Variants in RFX6 observed in about 807,000 individuals in gnomAD.
RFX6 encodes the protein regulatory factor X6, also known as DNA-binding protein RFX6.
Under a neutral mutation model 110.8 loss-of-function variants are expected in RFX6, and 50 were observed. The observed-to-expected ratio is 0.45, with a 90% confidence interval of 0.36 to 0.57. The LOEUF is 0.57. RFX6 is among the 20% of genes least tolerant of loss of function. RFX6 has a pLI of 0.00. For synonymous variants in RFX6, 383 were observed against 411.2 expected (o/e 0.93, Z 0.83); for missense variants, 990 against 1,127.0 (o/e 0.88, Z 1.74).
At chr6:116,923,608 C>T (rs1345692744) in intron 14 of RFX6, 2 of 211,894 alleles carry the variant, frequency 9.4e-6, no homozygotes, top group South Asian at 8.0e-5. Flanking sequence ...CTTTGTTAAA[C>T]AAATGATAAT....
chr6:116,878,431 G>GA (rs1042644282), intron 2 of RFX6, among the ~76,000 whole-genome samples: 3 of 152,154 alleles, frequency 2.0e-5, no homozygotes, highest in South Asian at 2.1e-4. Context: ...AGAAGACATA[G>GA]AAAAAATCGG....
At position 116,919,135 on chromosome 6, in the gene RFX6, A is replaced by C. The variant is rs537177486; in HGVS notation, c.1023-2A>C. 6.2e-7 allele frequency: 1 copy of C among 1,612,676 alleles called. No individual in the cohort carries two copies. Among genetic ancestry groups the C allele is most frequent in the Admixed American group, 1.7e-5 (1 of 59,970 alleles). On this transcript the variant is annotated splice_acceptor_variant, in intron 10 of 18. Coordinates refer to ENST00000332958, the MANE Select transcript of RFX6 (RefSeq NM_173560.4). LOFTEE classifies it high-confidence loss of function. The stretch of plus-strand genomic sequence containing the variant: ...GCATTTAACACATAGCCTTCTTTGT[A>C]GCTTATTAGCAGACATAAGAAATTT...
chr6:116,921,334 A>C (rs1192579726), intron 12 of RFX6, among the ~76,000 whole-genome samples: 1 of 152,214 alleles, frequency 6.6e-6, no homozygotes, highest in African/African-American at 2.4e-5. Context: ...TTCTGCTGAG[A>C]AGAAATTAAC....
At chr6:116,917,353 T>C (rs1280604465) in intron 9 of RFX6, among the ~76,000 whole-genome samples, 4 of 144,684 alleles carry the variant, frequency 2.8e-5, no homozygotes, top group South Asian at 2.2e-4. Context: ...TTTTTTTTTT[T>C]CTGGATTGAA....
intron 10 of RFX6, among the ~76,000 whole-genome samples, 155 bp from the exon 11 acceptor site, chr6:116,918,982 T>C (rs1039081668): frequency 2.6e-5 from 4 of 152,076 alleles, no homozygotes; most frequent in African/African-American, 9.7e-5. Flanking sequence ...TTTAAAAATA[T>C]AGCATAAGAA....
chr6:116,913,113 T>G (rs1255836583), intron 7 of RFX6, among the ~76,000 whole-genome samples: 1 of 152,166 alleles, frequency 6.6e-6, no homozygotes, highest in Non-Finnish European at 1.5e-5. Context: ...TTGCCCAGGC[T>G]GGAGTGCAGT....
chr6:116,923,004 T>A, intron 13 of RFX6, 103 bp from the exon 14 acceptor site: 1 of 765,492 alleles, frequency 1.3e-6, no homozygotes, highest in Non-Finnish European at 2.4e-6. Context: ...CCATGCCATC[T>A]GTCCATTTGT....
chr6:116,903,398 G>A (rs1468262632), intron 6 of RFX6, among the ~76,000 whole-genome samples: 1 of 151,736 alleles, frequency 6.6e-6, no homozygotes, highest in Non-Finnish European at 1.5e-5. Flanking sequence ...TGTTTCTTTA[G>A]CATGCTAACA....
intron 12 of RFX6, among the ~76,000 whole-genome samples, 185 bp from the exon 13 acceptor site, chr6:116,921,857 G>A (rs530191050): frequency 6.6e-6 from 1 of 152,046 alleles, no homozygotes; most frequent in African/African-American, 2.4e-5. Flanking sequence ...GAAGAGTACA[G>A]TACTAAGGAT....
Position 116,932,129 on chromosome 6 carries a change from A to G in RFX6, c.*623A>G, listed in dbSNP as rs572010636. ...GCTTTCCCCTCTTTATTTAAAAAAG[A>G]TTAAAAGGAATAAAAGAAATAATGT... On this transcript the variant is annotated 3_prime_UTR_variant, in exon 19 of 19. Transcript: ENST00000332958. The G allele has an allele frequency of 6.5e-6, 1 of 152,688 alleles. No individual in the cohort carries two copies. Among genetic ancestry groups the G allele is most frequent in the Non-Finnish European group, 1.5e-5 (1 of 68,092 alleles). The allele number at this position is 152,688 out of a possible 1,614,324, so 9.5% of individuals were successfully genotyped here.
At chr6:116,890,064 G>A (rs1280794983) in intron 4 of RFX6, among the ~76,000 whole-genome samples, 1 of 151,872 alleles carries the variant, frequency 6.6e-6, no homozygotes, top group Non-Finnish European at 1.5e-5. Flanking sequence ...TGTGAATGCA[G>A]ACATATTTGA....
rs781486561 is a variant in RFX6, at chr6:116,927,190, G to A, written c.2049G>A (p.Glu683=). 3.7e-6 allele frequency: 6 copies of A among 1,614,136 alleles called. No individual in the cohort carries two copies. The highest frequency in any genetic ancestry group is 1.7e-5 in the Admixed American group (1 of 60,014). Residue 683 remains glutamate, a synonymous_variant, in exon 17 of 19, where the codon GAG becomes GAA. Coordinates refer to ENST00000332958, the MANE Select transcript of RFX6 (RefSeq NM_173560.4). The part of the protein sequence containing the change: ...SAPSHCSTYP[E]PIYPTLPQAN... The stretch of plus-strand genomic sequence containing the variant: ...CATCACACTGCTCCACATACCCAGA[G>A]CCCATTTATCCCACTCTCCCTCAAG...
chr6:116,882,654 T>A (rs1320903658), intron 4 of RFX6, among the ~76,000 whole-genome samples: 1 of 151,924 alleles, frequency 6.6e-6, no homozygotes, highest in Non-Finnish European at 1.5e-5. Flanking sequence ...TCTGCTGAAA[T>A]AATTTAAATG....
At chr6:116,906,135 C>T (rs4946203) in intron 6 of RFX6, among the ~76,000 whole-genome samples, 1,689 of 152,268 alleles carry the variant, frequency 0.011, 29 homozygotes, top group Admixed American at 0.041. Context: ...ATTGTCCTTT[C>T]CCCATAGAAT....
chr6:116,926,001 G>C (rs916052402), intron 16 of RFX6, among the ~76,000 whole-genome samples: 1 of 152,098 alleles, frequency 6.6e-6, no homozygotes, highest in African/African-American at 2.4e-5. Flanking sequence ...ATTTTGAGGA[G>C]ACTTTATTTC....
In RFX6 at chr6:116,923,133, A is replaced by T. The variant is rs776099135; in HGVS notation, c.1464A>T (p.Leu488Phe). 6.2e-7 allele frequency: 1 copy of T among 1,605,618 alleles called. No individual in the cohort carries two copies. The highest frequency in any genetic ancestry group is 1.1e-5 in the South Asian group (1 of 90,888). ...CCAGCAAACAAAATGGAAGGTCATTAAAGAAGAGAGCTCAAGACTTTCTGT... is the reference window on the plus strand; with the variant it reads ...CCAGCAAACAAAATGGAAGGTCATTTAAGAAGAGAGCTCAAGACTTTCTGT... The part of the protein sequence containing the change: ...IKTSKQNGRS[L>F]KKRAQDFLLK... The change falls in exon 14 of 19, where the codon TTA becomes TTT. Residue 488 changes from leucine to phenylalanine, a missense_variant. By Grantham distance (22) the Leu-to-Phe change is conservative. Transcript: ENST00000332958.
intron 6 of RFX6, among the ~76,000 whole-genome samples, chr6:116,905,046 A>C (rs1775166057): frequency 1.3e-5 from 2 of 152,322 alleles, no homozygotes; most frequent in African/African-American, 4.8e-5. Flanking sequence ...CAGAAGCGGA[A>C]TTACTGGGTC....
intron 6 of RFX6, among the ~76,000 whole-genome samples, chr6:116,906,311 C>T (rs957135101): frequency 6.6e-6 from 1 of 152,230 alleles, no homozygotes. Context: ...TCTTCTCTGA[C>T]TTTGTTCTTC....
chr6:116,880,674 G>A lies in RFX6; in HGVS notation c.504+7G>A. On this transcript the variant is annotated splice_region_variant and intron_variant, in intron 3 of 18. Coordinates refer to ENST00000332958, the MANE Select transcript of RFX6 (RefSeq NM_173560.4). ...TGCGGCCACCTTTGGAAAGGTAAAT[G>A]ACACGTATTGGCTATAGTGACTTAT... 6.2e-7 allele frequency: 1 copy of A among 1,613,238 alleles called. No homozygotes were observed.
Sources: allele counts gnomAD v4.1 joint callset (sites outside exome capture counted in the v4.1 genomes callset), GRCh38; gene constraint gnomAD v4.1.1; transcripts MANE v1.5; gene names NCBI Gene and HGNC (gene_info 2026-07-23, HGNC 2026-07-21).